Variants in FBN2 observed in about 807,000 individuals in gnomAD.
FBN2 encodes the protein fibrillin-2.
Under a neutral mutation model 355.6 loss-of-function variants are expected in FBN2, and 105 were observed. The observed-to-expected ratio is 0.30, with a 90% CI of 0.25 to 0.35. The LOEUF (loss-of-function observed/expected upper bound fraction) is 0.35. FBN2 is among the 10% of genes least tolerant of loss of function. FBN2 has a pLI of 1.00. For synonymous variants in FBN2, 1,350 were observed against 1,301.2 expected, an observed-to-expected ratio of 1.04 and a Z score of -0.81; for missense variants, 3,280 against 3,758.7, an observed-to-expected ratio of 0.87 and a Z score of 3.33.
At chr5:128,274,379 C>CT (rs906765306) in intron 60 of FBN2, among the ~76,000 whole-genome samples, 188 bp downstream of exon 60, 26 of 151,984 alleles carry the variant, frequency 1.7e-4, no homozygotes, top group Middle Eastern at 3.4e-3. Context: ...CTAAAAAGGC[C>CT]TTTTTTTTCC....
intron 48 of FBN2, among the ~76,000 whole-genome samples, chr5:128,297,697 TCCTC>T (rs1169110859): frequency 1.3e-5 from 2 of 152,182 alleles, no homozygotes; most frequent in Admixed American, 6.5e-5. Context: ...CGGTAGATCT[TCCTC>T]CATCCTTTTA....
chr5:128,369,469 C>CT (rs2126947801), intron 15 of FBN2, 135 bp from the exon 16 acceptor site: 1 of 779,122 alleles, frequency 1.3e-6, no homozygotes, highest in African/African-American at 1.7e-5. Context: ...TATTTTGCAT[C>CT]TTTAGCATCT....
intron 7 of FBN2, among the ~76,000 whole-genome samples, chr5:128,445,532 TG>T (rs1754041374): frequency 6.6e-6 from 1 of 152,192 alleles, no homozygotes; most frequent in South Asian, 2.1e-4. Context: ...CAAAGAGGAA[TG>T]CAGCTGTTTA....
intron 6 of FBN2, among the ~76,000 whole-genome samples, chr5:128,448,829 T>G (rs1339160702): frequency 6.6e-6 from 1 of 152,144 alleles, no homozygotes; most frequent in Non-Finnish European, 1.5e-5. Context: ...ATTGGAATTG[T>G]TGGAATTGTC....
At position 128,357,311 on chromosome 5, in the gene FBN2, C is replaced by T. The variant is rs750164133; in HGVS notation, c.2639G>A (p.Gly880Asp). The T allele has an allele frequency of 5.0e-6, 8 of 1,613,930 alleles. No individual in the cohort carries two copies. The highest frequency in any genetic ancestry group is 6.8e-6 in the Non-Finnish European group (8 of 1,179,850). Reference protein sequence around the residue: ...LGSFNCECSPGSKLSSTGLIC... With the variant: ...LGSFNCECSPDSKLSSTGLIC... ...CAATCCTGTGGAGCTGAGTTTGCTG[C>T]CGGGCGAACATTCACAATTGAAAGA... The change falls in exon 20 of 65, where the codon GGC becomes GAC. Residue 880 changes from glycine to aspartate, a missense_variant. By Grantham distance (94) the Gly-to-Asp change is moderately conservative (BLOSUM62 -1). Coordinates refer to ENST00000262464, the MANE Select transcript of FBN2 (RefSeq NM_001999.4).
intron 5 of FBN2, among the ~76,000 whole-genome samples, chr5:128,486,554 C>A (rs1755341944): frequency 6.6e-6 from 1 of 152,150 alleles, no homozygotes; most frequent in South Asian, 2.1e-4. Context: ...TTCTTTCCTA[C>A]CTCAGAACCT....
At chr5:128,271,039 A>G (rs1359550046) in intron 62 of FBN2, among the ~76,000 whole-genome samples, 2 of 152,188 alleles carry the variant, frequency 1.3e-5, no homozygotes, top group African/African-American at 4.8e-5. Context: ...TTGACCTGGC[A>G]TGATTTTCCC....
intron 48 of FBN2, among the ~76,000 whole-genome samples, chr5:128,298,275 T>C (rs1267266914): frequency 6.6e-6 from 1 of 150,842 alleles, no homozygotes; most frequent in Non-Finnish European, 1.5e-5. Flanking sequence ...TAACATTTTT[T>C]CCTTCATTTC....
At chr5:128,291,759 T>C (rs766524101) in intron 48 of FBN2, 105 bp from the exon 49 acceptor site, 33 of 1,073,340 alleles carry the variant, frequency 3.1e-5, no homozygotes, top group Non-Finnish European at 4.5e-5. Context: ...ACAAGAGATA[T>C]TACGTTGTAT....
intron 5 of FBN2, among the ~76,000 whole-genome samples, chr5:128,465,398 GA>G (rs1210231435): frequency 6.6e-6 from 1 of 152,198 alleles, no homozygotes; most frequent in African/African-American, 2.4e-5. Context: ...CCTGGGCCCT[GA>G]AGGCATCAGC....
intron 48 of FBN2, among the ~76,000 whole-genome samples, chr5:128,298,483 G>A (rs1287917124): frequency 3.0e-4 from 46 of 152,162 alleles, no homozygotes; most frequent in African/African-American, 1.1e-3. Flanking sequence ...CCAATCAGAC[G>A]TAGATTTGGT....
At position 128,335,285 on chromosome 5, in the gene FBN2, T is replaced by C. The variant is rs930932656; in HGVS notation, c.3858A>G (p.Glu1286=). ...PDGRSCADID[E]CENNPDICDG... is the part of the protein sequence containing the mutation. The stretch of plus-strand genomic sequence containing the variant: ...CACAGATATCAGGATTGTTTTCACA[T>C]TCATCAATGTCTGATGATACAAAAT... The change falls in exon 30 of 65, where the codon GAA becomes GAG. Residue 1286 remains glutamate, a synonymous_variant. Transcript: ENST00000262464. 1.2e-6 allele frequency: 2 copies of C among 1,614,028 alleles called. No individual in the cohort carries two copies. Among genetic ancestry groups the C allele is most frequent in the African/African-American group, 2.7e-5 (2 of 74,948 alleles).
chr5:128,412,974 T>A (rs1264326754), intron 7 of FBN2, among the ~76,000 whole-genome samples: 2 of 152,184 alleles, frequency 1.3e-5, no homozygotes, highest in Non-Finnish European at 2.9e-5. Context: ...CAGAAAGATA[T>A]CTTACACTAC....
At chr5:128,448,983 T>C (rs1012803689) in intron 6 of FBN2, among the ~76,000 whole-genome samples, 3 of 151,988 alleles carry the variant, frequency 2.0e-5, no homozygotes, top group Non-Finnish European at 4.4e-5. Flanking sequence ...TAATAAAGAA[T>C]TTTTGGACTT....
chr5:128,271,452 G>C (rs766843656), intron 62 of FBN2, among the ~76,000 whole-genome samples: 5 of 152,218 alleles, frequency 3.3e-5, no homozygotes, highest in Non-Finnish European at 5.9e-5. Context: ...GCAAGGAACA[G>C]AGCTGAGAGC....
intron 52 of FBN2, 95 bp from the exon 53 acceptor site, chr5:128,288,652 G>T: frequency 7.1e-7 from 1 of 1,401,422 alleles, no homozygotes; most frequent in Non-Finnish European, 1.0e-6. Flanking sequence ...CCATTTCCAG[G>T]ATCTGAGAAG....
At chr5:128,438,409 A>C (rs1753831655) in intron 7 of FBN2, among the ~76,000 whole-genome samples, 1 of 152,242 alleles carries the variant, frequency 6.6e-6, no homozygotes, top group South Asian at 2.1e-4. Context: ...TCAAGTCACT[A>C]AATATATTTT....
At position 128,318,809 on chromosome 5, in the gene FBN2, A is replaced by T. The variant is rs548759034; in HGVS notation, c.4594+70T>A. On this transcript the variant is annotated intron_variant, in intron 35 of 64. Transcript: ENST00000262464. The stretch of plus-strand genomic sequence containing the variant: ...GATTAGCTAAGCAGAAATCTCAGGA[A>T]TTTTTATGCTTAGCACAGAATACTC... 3.2e-5 allele frequency: 49 copies of T among 1,541,628 alleles called. No individual in the cohort carries two copies. In the East Asian group the frequency reaches 1.0e-3, roughly 32 times the overall value.
chr5:128,489,810 T>C (rs141996706), intron 5 of FBN2, among the ~76,000 whole-genome samples: 2,706 of 152,204 alleles, frequency 0.018, 27 homozygotes, highest in Middle Eastern at 0.041. Flanking sequence ...AGAAAAAGGA[T>C]GTGTGTTTGT....
Sources: gnomAD v4.1 joint callset for allele counts (sites outside exome capture counted in the v4.1 genomes callset) on GRCh38, gnomAD v4.1.1 for gene constraint, MANE v1.5 for transcripts, NCBI Gene and HGNC (gene_info 2026-07-23, HGNC 2026-07-21) for gene names.